SLC25A21: variants seen among roughly 807,000 people sequenced by gnomAD.
The protein encoded by SLC25A21 is mitochondrial 2-oxodicarboxylate carrier.
SLC25A21 carries 47 observed loss-of-function variants against 43.8 expected under a neutral mutation model. That is an observed-to-expected ratio of 1.07 (90% confidence interval 0.85 to 1.37). The LOEUF is 1.37. Ranked by LOEUF, SLC25A21 falls within the 40% of genes most tolerant of loss-of-function variation. The pLI, the probability that SLC25A21 is intolerant of heterozygous loss-of-function variation, is 0.00. For synonymous variants in SLC25A21, 131 were observed against 121.3 expected (o/e 1.08, Z -0.52); for missense variants, 352 against 350.2 (o/e 1.00, Z -0.04).
At chr14:36,894,673 G>A (rs1891184807) in intron 1 of SLC25A21, among the ~76,000 whole-genome samples, 1 of 152,022 alleles carries the variant, frequency 6.6e-6, no homozygotes, top group African/African-American at 2.4e-5. Flanking sequence ...ATTGGCTGTG[G>A]GTTTGTCATA....
At chr14:36,764,985 T>C (rs1886359355) in intron 3 of SLC25A21, among the ~76,000 whole-genome samples, 1 of 152,224 alleles carries the variant, frequency 6.6e-6, no homozygotes, top group African/African-American at 2.4e-5. Flanking sequence ...CTTCCAAAAC[T>C]AGTTGAGAGG....
intron 1 of SLC25A21, among the ~76,000 whole-genome samples, chr14:36,983,003 G>A (rs910540878): frequency 3.9e-5 from 6 of 152,108 alleles, no homozygotes; most frequent in African/African-American, 1.2e-4. Flanking sequence ...TAAAGGAATG[G>A]CTAATAACCA....
At chr14:36,737,312 G>C (rs1885081966) in intron 3 of SLC25A21, among the ~76,000 whole-genome samples, 1 of 152,200 alleles carries the variant, frequency 6.6e-6, no homozygotes, top group Non-Finnish European at 1.5e-5. Flanking sequence ...GAGAGAAGAA[G>C]AGGCAGCTGG....
chr14:36,809,509 G>A (rs919784712), intron 3 of SLC25A21, among the ~76,000 whole-genome samples: 4 of 152,066 alleles, frequency 2.6e-5, no homozygotes, highest in Admixed American at 6.6e-5. Flanking sequence ...ATGTATTTAC[G>A]CTTTTTAAGA....
At chr14:36,828,247 G>A (rs848060) in intron 2 of SLC25A21, among the ~76,000 whole-genome samples, 145,987 of 152,200 alleles carry the variant, frequency 0.96, 70,308 homozygotes, top group East Asian at 1. Context: ...TAGAAGACAT[G>A]CACCCAGCTA....
At chr14:36,814,311 A>G (rs1888375458) in intron 2 of SLC25A21, among the ~76,000 whole-genome samples, 1 of 152,220 alleles carries the variant, frequency 6.6e-6, no homozygotes, top group African/African-American at 2.4e-5. Context: ...GATATCGTAG[A>G]TTGTTTTAAT....
intron 7 of SLC25A21, among the ~76,000 whole-genome samples, chr14:36,692,243 T>C (rs1472146575): frequency 6.6e-6 from 1 of 152,224 alleles, no homozygotes; most frequent in Non-Finnish European, 1.5e-5. Flanking sequence ...ATATTATTTA[T>C]AGACTCTTTG....
chr14:36,827,420 T>C (rs1888873377), intron 2 of SLC25A21, among the ~76,000 whole-genome samples: 1 of 152,186 alleles, frequency 6.6e-6, no homozygotes, highest in Non-Finnish European at 1.5e-5. Flanking sequence ...CTCATGTGCA[T>C]TAGGTCAAAT....
At chr14:36,722,965 G>C (rs992303210) in intron 6 of SLC25A21, among the ~76,000 whole-genome samples, 1 of 152,050 alleles carries the variant, frequency 6.6e-6, no homozygotes, top group African/African-American at 2.4e-5. Flanking sequence ...CAAAGCCTTA[G>C]AGTGAAGAAA....
intron 1 of SLC25A21, among the ~76,000 whole-genome samples, chr14:37,164,335 T>C (rs886224615): frequency 6.6e-6 from 1 of 152,198 alleles, no homozygotes; most frequent in Non-Finnish European, 1.5e-5. Flanking sequence ...CTTCCTCCTA[T>C]GTGCTTGAAA....
chr14:36,947,009 C>T (rs917154635), intron 1 of SLC25A21, among the ~76,000 whole-genome samples: 2 of 152,176 alleles, frequency 1.3e-5, no homozygotes, highest in African/African-American at 4.8e-5. Context: ...TCTATATCCT[C>T]CAGCTCTCCT....
chr14:36,927,830 C>T (rs542112904), intron 1 of SLC25A21, among the ~76,000 whole-genome samples: 1 of 152,256 alleles, frequency 6.6e-6, no homozygotes, highest in East Asian at 1.9e-4. Context: ...AATATCTGCT[C>T]TGTGGATTCT....
At chr14:36,967,589 C>T (rs1959646885) in intron 1 of SLC25A21, among the ~76,000 whole-genome samples, 1 of 152,196 alleles carries the variant, frequency 6.6e-6, no homozygotes, top group African/African-American at 2.4e-5. Context: ...CTCAGCCTTG[C>T]TCCTAAAAGC....
chr14:36,946,716 C>T (rs1044231207), intron 1 of SLC25A21, among the ~76,000 whole-genome samples: 4 of 152,218 alleles, frequency 2.6e-5, no homozygotes, highest in African/African-American at 7.2e-5. Flanking sequence ...TTTTGCTCAA[C>T]GAATGTCCAG....
intron 1 of SLC25A21, among the ~76,000 whole-genome samples, chr14:37,012,190 G>A (rs1357265808): frequency 6.6e-6 from 1 of 152,090 alleles, no homozygotes; most frequent in Admixed American, 6.5e-5. Context: ...AAATCCAAAG[G>A]CTACTGTATA....
intron 1 of SLC25A21, among the ~76,000 whole-genome samples, chr14:36,914,157 T>TCC (rs963557408): frequency 1.8e-4 from 28 of 152,308 alleles, no homozygotes; most frequent in African/African-American, 6.7e-4. Flanking sequence ...AAGAAAATCT[T>TCC]CCAGCTTAGA....
chr14:36,961,380 T>A (rs1959489441), intron 1 of SLC25A21, among the ~76,000 whole-genome samples: 1 of 152,000 alleles, frequency 6.6e-6, no homozygotes, highest in Non-Finnish European at 1.5e-5. Flanking sequence ...CCCAGCTAAT[T>A]TTTTGTATTT....
At chr14:36,860,535 A>G (rs1890036969) in intron 2 of SLC25A21, among the ~76,000 whole-genome samples, 1 of 151,984 alleles carries the variant, frequency 6.6e-6, no homozygotes, top group Admixed American at 6.6e-5. Context: ...GCCTTAGTGG[A>G]TCTGTGTTAA....
chr14:36,746,469 G>A (rs528809270), intron 3 of SLC25A21, among the ~76,000 whole-genome samples: 1 of 152,258 alleles, frequency 6.6e-6, no homozygotes, highest in African/African-American at 2.4e-5. Context: ...TGGGAGAGGG[G>A]TGAGGAAAAC....
Sources: gnomAD v4.1 joint callset for allele counts (sites outside exome capture counted in the v4.1 genomes callset) on GRCh38, gnomAD v4.1.1 for gene constraint, MANE v1.5 for transcripts, NCBI Gene and HGNC (gene_info 2026-07-23, HGNC 2026-07-21) for gene names.